The following PCDHGB3 variants were observed in gnomAD, a reference collection of about 807,000 sequenced individuals.
The protein encoded by PCDHGB3 is protocadherin gamma-B3.
A neutral mutation model predicts 59.2 loss-of-function variants in PCDHGB3; 40 were observed. That is an observed-to-expected ratio of 0.68 (90% CI 0.52 to 0.88). PCDHGB3 has a LOEUF of 0.88. Ranked by LOEUF, PCDHGB3 falls within the 40% of genes least tolerant of loss-of-function variation. PCDHGB3 has a pLI of 0.00. For synonymous variants in PCDHGB3, 581 were observed against 503.6 expected, an observed-to-expected ratio of 1.15 and a Z score of -2.06; for missense variants, 1,309 against 1,187.9, an observed-to-expected ratio of 1.10 and a Z score of -1.50.
intron 1 of PCDHGB3, chr5:141,415,883 G>C: frequency 1.0e-6 from 1 of 984,090 alleles, no homozygotes; most frequent in Non-Finnish European, 1.4e-6. Context: ...GTACAATATT[G>C]ACAATTCCTA....
intron 1 of PCDHGB3, chr5:141,421,621 C>T (rs2154549322): frequency 6.2e-7 from 1 of 1,613,772 alleles, no homozygotes; most frequent in Non-Finnish European, 8.5e-7. Flanking sequence ...TGATAACGCC[C>T]CCAGCTTCCA....
chr5:141,381,910 A>G (rs1007248325), intron 1 of PCDHGB3, among the ~76,000 whole-genome samples: 10 of 130,320 alleles, frequency 7.7e-5, no homozygotes, highest in Admixed American at 5.1e-4. Context: ...GCTCACCACA[A>G]CCTCCACCTC....
intron 1 of PCDHGB3, chr5:141,419,497 G>T (rs1357823931): frequency 9.9e-6 from 16 of 1,612,390 alleles, no homozygotes; most frequent in Non-Finnish European, 1.4e-5. Context: ...GCGCCAATGT[G>T]AGCCTGCGCG....
At chr5:141,378,050 A>C (rs1339661342) in intron 1 of PCDHGB3, 2 of 152,190 alleles carry the variant, frequency 1.3e-5, no homozygotes, top group Admixed American at 1.3e-4. Context: ...TTCCTTATCT[A>C]TCTGACTCAA....
intron 1 of PCDHGB3, among the ~76,000 whole-genome samples, chr5:141,407,824 G>C (rs2094986699): frequency 6.6e-6 from 1 of 152,190 alleles, no homozygotes; most frequent in South Asian, 2.1e-4. Context: ...TAATATTATG[G>C]TGAGAGCAAA....
Position 141,491,900 on chromosome 5 carries a change from G to C in PCDHGB3, c.2416-2907G>C. ...TAAGGGATGGGGCTCCGAGCACCGG[G>C]GGTGGTGGCGACTGTGGGCGAGGGG... On this transcript the variant is annotated intron_variant, in intron 1 of 3. Transcript: ENST00000576222. This position sits in a 1 kb window ranked among gnomAD's most constrained non-coding sequence, Gnocchi z 6.9. 1 of 1,429,936 alleles carries C rather than the reference G, an allele frequency of 7.0e-7. No homozygotes were observed. Among genetic ancestry groups the C allele is most frequent in the South Asian group, 1.5e-5 (1 of 67,072 alleles). 88.6% of individuals were successfully genotyped at this position (1,429,936 alleles called of 1,614,324 possible). A position where few individuals can be genotyped will look rare whatever the true frequency, so the allele number is the denominator to read the frequency against.
intron 1 of PCDHGB3, chr5:141,414,158 G>C: frequency 6.2e-7 from 1 of 1,602,572 alleles, no homozygotes; most frequent in Non-Finnish European, 8.5e-7. Context: ...GCAGAAGATG[G>C]AGGAGCATAT....
chr5:141,410,036 A>G, intron 1 of PCDHGB3: 1 of 1,613,240 alleles, frequency 6.2e-7, no homozygotes, highest in Non-Finnish European at 8.5e-7. Flanking sequence ...GCTGCAGGCC[A>G]GTGAGCCCGG....
At chr5:141,402,801 G>C (rs1218765657) in intron 1 of PCDHGB3, 6 of 1,078,624 alleles carry the variant, frequency 5.6e-6, no homozygotes, top group Middle Eastern at 3.2e-4. Flanking sequence ...CACAAAACCC[G>C]GCAGATACCA....
At chr5:141,409,723 G>T (rs781363259) in intron 1 of PCDHGB3, 1 of 1,613,154 alleles carries the variant, frequency 6.2e-7, no homozygotes, top group Non-Finnish European at 8.5e-7. Flanking sequence ...ACGTGTCAGT[G>T]AGCGCGCAGA....
Position 141,372,537 on chromosome 5 carries a change from C to T in PCDHGB3, c.2143C>T (p.Leu715=). The T allele has an allele frequency of 1.2e-6, 2 of 1,614,046 alleles. No homozygotes were observed. Among genetic ancestry groups the T allele is most frequent in the Non-Finnish European group, 1.7e-6 (2 of 1,179,902 alleles). The change falls in exon 1 of 4, where the codon CTG becomes TTG. Residue 715 remains leucine (L), a synonymous_variant. Transcript: ENST00000576222. Reference sequence around the variant, plus strand: ...GGTGATTCTGGCAATCTCCCTGCGCCTGCGATGCTCCTCCAGACCCGCCAC... The same window carrying T: ...GGTGATTCTGGCAATCTCCCTGCGCTTGCGATGCTCCTCCAGACCCGCCAC... ...LAVILAISLR[L]RCSSRPATEG... is the part of the protein sequence containing the mutation.
chr5:141,374,535 G>C (rs752542327), intron 1 of PCDHGB3: 2 of 1,613,092 alleles, frequency 1.2e-6, no homozygotes, highest in African/African-American at 1.3e-5. Context: ...CCATCCTCTC[G>C]TTTTCCACTA....
intron 1 of PCDHGB3, chr5:141,404,741 GACT>G: frequency 6.2e-7 from 1 of 1,614,072 alleles, no homozygotes; most frequent in Non-Finnish European, 8.5e-7. Flanking sequence ...AGTGGACAGA[GACT>G]CAGGCCAGAA....
intron 1 of PCDHGB3, chr5:141,430,495 T>C: frequency 3.4e-6 from 1 of 293,400 alleles, no homozygotes; most frequent in Non-Finnish European, 6.2e-6. Context: ...GAAATATCCT[T>C]TCTGGGAGTT....
chr5:141,424,497 A>G (rs2096824503), intron 1 of PCDHGB3: 2 of 152,174 alleles, frequency 1.3e-5, no homozygotes, highest in African/African-American at 2.4e-5. Flanking sequence ...GTTTGTATGT[A>G]TGGAAGGTTT....
At chr5:141,470,469 A>T (rs1423801455) in intron 1 of PCDHGB3, among the ~76,000 whole-genome samples, 1 of 152,194 alleles carries the variant, frequency 6.6e-6, no homozygotes, top group Non-Finnish European at 1.5e-5. Context: ...ATTTTCTGAT[A>T]TTACTAACCC....
intron 1 of PCDHGB3, chr5:141,404,094 A>C: frequency 6.2e-7 from 1 of 1,613,620 alleles, no homozygotes; most frequent in South Asian, 1.1e-5. Context: ...AAGAATGGTC[A>C]AGTTGTCTGT....
chr5:141,489,530 G>C lies in PCDHGB3; in HGVS notation c.2416-5277G>C, dbSNP rs751249228. 17 of 1,614,092 alleles carry C rather than the reference G, an allele frequency of 1.1e-5. 1 individual carries two copies. In the South Asian group the frequency reaches 1.9e-4, roughly 18 times the overall value. ...AAGATTGACCGAGAAAGCCTATGTG[G>C]AGCCAGCACCAGCTGCCTGCTGCCA... On this transcript the variant is annotated intron_variant, in intron 1 of 3. Coordinates refer to ENST00000576222, the MANE Select transcript of PCDHGB3 (RefSeq NM_018924.5). The surrounding 1 kb of genome is among the most constrained non-coding windows in gnomAD (Gnocchi z 4.5).
chr5:141,420,304 T>C, intron 1 of PCDHGB3: 1 of 1,462,822 alleles, frequency 6.8e-7, no homozygotes, highest in African/African-American at 1.4e-5. Context: ...TTTAATCCTT[T>C]TTATATTACA....
Sources: allele counts gnomAD v4.1 joint callset (sites outside exome capture counted in the v4.1 genomes callset), GRCh38; gene constraint gnomAD v4.1.1; non-coding constraint Gnocchi (gnomAD v3.1); transcripts MANE v1.5; gene names NCBI Gene and HGNC (gene_info 2026-07-23, HGNC 2026-07-21).